LHFPL3: variants seen among roughly 807,000 people sequenced by gnomAD.
LHFPL3 encodes the protein LHFPL tetraspan subfamily member 3 protein.
A neutral mutation model predicts 19.3 loss-of-function variants in LHFPL3; 5 were observed. That is an observed-to-expected ratio of 0.26 (90% CI 0.14 to 0.54). The LOEUF (loss-of-function observed/expected upper bound fraction) is 0.54. LHFPL3 is among the 20% of genes least tolerant of loss of function. The probability of loss-of-function intolerance (pLI) is 0.94; values close to 1 mark genes in which losing one functional copy is unlikely to be tolerated. For synonymous variants in LHFPL3, 133 were observed against 126.2 expected (o/e 1.05, Z -0.36); for missense variants, 249 against 307.4 (o/e 0.81, Z 1.42).
chr7:104,495,057 G>T (rs964740613), intron 1 of LHFPL3, among the ~76,000 whole-genome samples: 7 of 152,108 alleles, frequency 4.6e-5, no homozygotes, highest in African/African-American at 1.7e-4. Context: ...GATTACAGTT[G>T]GTTTCCCAAT....
At chr7:104,830,370 C>T (rs1235701626) in intron 2 of LHFPL3, among the ~76,000 whole-genome samples, 38 of 151,680 alleles carry the variant, frequency 2.5e-4, no homozygotes, top group African/African-American at 2.4e-5. Context: ...CTTTTGTTGC[C>T]ATTGCTTTTG....
At chr7:104,651,144 G>A (rs1261894890) in intron 1 of LHFPL3, among the ~76,000 whole-genome samples, 1 of 152,158 alleles carries the variant, frequency 6.6e-6, no homozygotes, top group Non-Finnish European at 1.5e-5. Flanking sequence ...AAGTTTATCA[G>A]ATCTTTGAGT....
At chr7:104,792,610 T>G (rs1790046393) in intron 2 of LHFPL3, among the ~76,000 whole-genome samples, 1 of 152,222 alleles carries the variant, frequency 6.6e-6, no homozygotes, top group Admixed American at 6.5e-5. Context: ...ACCTTGTTTT[T>G]GCTACTATAA....
At chr7:104,552,597 A>G (rs1460778240) in intron 1 of LHFPL3, among the ~76,000 whole-genome samples, 3 of 152,202 alleles carry the variant, frequency 2.0e-5, no homozygotes, top group Non-Finnish European at 4.4e-5. Context: ...CTTTTGAGTT[A>G]AACAATAGGG....
intron 1 of LHFPL3, among the ~76,000 whole-genome samples, chr7:104,610,533 G>A (rs1791193491): frequency 6.6e-6 from 1 of 152,036 alleles, no homozygotes; most frequent in Non-Finnish European, 1.5e-5. Context: ...TTCCTGTGTG[G>A]GTCCACAGGC....
intron 1 of LHFPL3, among the ~76,000 whole-genome samples, chr7:104,376,609 A>G (rs1265867553): frequency 6.6e-6 from 1 of 152,204 alleles, no homozygotes. Context: ...GAAAAGTTGC[A>G]TCTTGAGAAG....
intron 1 of LHFPL3, among the ~76,000 whole-genome samples, chr7:104,368,109 T>C (rs567776251): frequency 6.6e-6 from 1 of 152,312 alleles, no homozygotes; most frequent in East Asian, 1.9e-4. Flanking sequence ...GTCAGCTCAT[T>C]AGCAGTGGGG....
chr7:104,408,962 T>G (rs1008581247), intron 1 of LHFPL3, among the ~76,000 whole-genome samples: 6 of 145,058 alleles, frequency 4.1e-5, no homozygotes, highest in African/African-American at 1.5e-4. Flanking sequence ...CCTCCGGGGC[T>G]CATGCCATTC....
At chr7:104,556,073 G>A (rs1789825947) in intron 1 of LHFPL3, among the ~76,000 whole-genome samples, 1 of 152,182 alleles carries the variant, frequency 6.6e-6, no homozygotes, top group Admixed American at 6.5e-5. Flanking sequence ...GGCTTTTCAG[G>A]GTATAGCCTG....
intron 2 of LHFPL3, among the ~76,000 whole-genome samples, chr7:104,822,975 T>C (rs1165303223): frequency 6.6e-6 from 1 of 152,026 alleles, no homozygotes; most frequent in Non-Finnish European, 1.5e-5. Context: ...AAAACCAAAG[T>C]ACCTTGGGGT....
At chr7:104,866,443 A>C (rs552330661) in intron 2 of LHFPL3, among the ~76,000 whole-genome samples, 2 of 152,236 alleles carry the variant, frequency 1.3e-5, no homozygotes, top group Non-Finnish European at 2.9e-5. Context: ...CTGATAAAAC[A>C]AACTTTAAAC....
intron 1 of LHFPL3, among the ~76,000 whole-genome samples, chr7:104,661,145 C>T (rs938023232): frequency 2.0e-5 from 3 of 152,138 alleles, no homozygotes; most frequent in Non-Finnish European, 4.4e-5. Context: ...GGACCCAGAG[C>T]ACAGTGAACA....
chr7:104,759,428 C>T (rs1013135991), intron 2 of LHFPL3, among the ~76,000 whole-genome samples: 2 of 152,056 alleles, frequency 1.3e-5, no homozygotes, highest in African/African-American at 4.8e-5. Flanking sequence ...TATACCCAAA[C>T]TTTTATTTCA....
At chr7:104,410,142 TTTG>T (rs1473834801) in intron 1 of LHFPL3, among the ~76,000 whole-genome samples, 1 of 152,088 alleles carries the variant, frequency 6.6e-6, no homozygotes, top group East Asian at 1.9e-4. Flanking sequence ...TGTTGTTGTT[TTTG>T]TTGTTGTTTG....
At chr7:104,599,281 A>G (rs1419190386) in intron 1 of LHFPL3, among the ~76,000 whole-genome samples, 1 of 152,188 alleles carries the variant, frequency 6.6e-6, no homozygotes, top group Non-Finnish European at 1.5e-5. Context: ...TAATATCAGC[A>G]TTGTTCATCT....
chr7:104,760,059 C>T (rs775333223), intron 2 of LHFPL3, among the ~76,000 whole-genome samples: 2 of 152,170 alleles, frequency 1.3e-5, no homozygotes, highest in Non-Finnish European at 2.9e-5. Context: ...TATTAAAGTA[C>T]TTGTCACTGG....
intron 2 of LHFPL3, among the ~76,000 whole-genome samples, chr7:104,828,285 G>T (rs774405137): frequency 2.0e-5 from 3 of 151,886 alleles, no homozygotes. Flanking sequence ...TAGAGGCAGG[G>T]CTCCTGAGTC....
chr7:104,723,080 A>G (rs896783207), intron 1 of LHFPL3, among the ~76,000 whole-genome samples: 4 of 152,118 alleles, frequency 2.6e-5, no homozygotes, highest in African/African-American at 4.8e-5. Flanking sequence ...CCCAATTACA[A>G]AGGTTTGTGG....
intron 2 of LHFPL3, among the ~76,000 whole-genome samples, chr7:104,769,548 T>C (rs1265180158): frequency 6.6e-6 from 1 of 152,184 alleles, no homozygotes; most frequent in African/African-American, 2.4e-5. Context: ...CATGGTGGTT[T>C]GCTGCACCCA....
Sources: allele counts gnomAD v4.1 joint callset (sites outside exome capture counted in the v4.1 genomes callset), GRCh38; gene constraint gnomAD v4.1.1; transcripts MANE v1.5; gene names NCBI Gene and HGNC (gene_info 2026-07-23, HGNC 2026-07-21).